The following CLEC1A variants were observed in gnomAD, a reference collection of about 807,000 sequenced individuals.
The protein encoded by CLEC1A is C-type lectin-like receptor-1.
CLEC1A carries 34 observed loss-of-function variants against 28.7 expected under a neutral mutation model. That is an observed-to-expected ratio of 1.18 (90% CI 0.90 to 1.57). The LOEUF (loss-of-function observed/expected upper bound fraction) is 1.57. Among genes scored for constraint, CLEC1A ranks in the 40% most tolerant of loss-of-function variants. The probability of loss-of-function intolerance (pLI) is 0.00; values close to 1 mark genes in which losing one functional copy is unlikely to be tolerated. For missense variants in CLEC1A, 385 were observed against 339.5 expected, an observed-to-expected ratio of 1.13 and a Z score of -1.05; for synonymous variants, 116 against 121.0, an observed-to-expected ratio of 0.96 and a Z score of 0.27.
At chr12:10,082,139 A>T (rs1866385869) in intron 2 of CLEC1A, among the ~76,000 whole-genome samples, 1 of 152,182 alleles carries the variant, frequency 6.6e-6, no homozygotes, top group Non-Finnish European at 1.5e-5. Flanking sequence ...TTTCAACTGG[A>T]TATGAATTTT....
At chr12:10,086,966 A>G (rs1165447013) in intron 2 of CLEC1A, among the ~76,000 whole-genome samples, 1 of 151,968 alleles carries the variant, frequency 6.6e-6, no homozygotes, top group Non-Finnish European at 1.5e-5. Context: ...AGGACTTTGG[A>G]AGACCGAGGC....
intron 2 of CLEC1A, among the ~76,000 whole-genome samples, chr12:10,082,170 C>CAA (rs1425667969): frequency 6.6e-6 from 1 of 152,034 alleles, no homozygotes; most frequent in Non-Finnish European, 1.5e-5. Flanking sequence ...ATCCAGGGGG[C>CAA]AAAGAGGAAC....
rs564427731 is a variant in CLEC1A at position 10,072,770 on chromosome 12, C to T, written c.662+523G>A. ...GCTATGTATCTGTCTCCCTCACTGGCTTATAAGCAGTTCAAAAGCAGGCAC... is the reference window on the plus strand; with the variant it reads ...GCTATGTATCTGTCTCCCTCACTGGTTTATAAGCAGTTCAAAAGCAGGCAC... On this transcript the variant is annotated intron_variant, in intron 5 of 5. Coordinates refer to ENST00000315330, the MANE Select transcript of CLEC1A (RefSeq NM_016511.4). 5.9e-5 allele frequency among the ~76,000 whole-genome samples: 9 copies of T among 152,240 alleles called. No homozygotes were observed. The East Asian group carries it at 1.4e-3, about 23-fold the overall frequency.
chr12:10,077,184 T>G (rs1866268656), intron 3 of CLEC1A, among the ~76,000 whole-genome samples: 1 of 152,154 alleles, frequency 6.6e-6, no homozygotes, highest in African/African-American at 2.4e-5. Flanking sequence ...ACTATGTAAC[T>G]AAAGAGACAG....
intron 1 of CLEC1A, among the ~76,000 whole-genome samples, chr12:10,097,795 T>C (rs1042562031): frequency 3.3e-5 from 5 of 151,738 alleles, no homozygotes; most frequent in African/African-American, 9.7e-5. Context: ...AAACGCTTTG[T>C]ATCCTATTAC....
intron 4 of CLEC1A, among the ~76,000 whole-genome samples, chr12:10,074,185 T>A (rs2137329862): frequency 6.6e-6 from 1 of 152,226 alleles, no homozygotes; most frequent in Admixed American, 6.5e-5. Flanking sequence ...ACATAGAAAT[T>A]ATCTAAATAT....
intron 3 of CLEC1A, among the ~76,000 whole-genome samples, chr12:10,080,083 G>A (rs1866335483): frequency 6.6e-6 from 1 of 152,088 alleles, no homozygotes; most frequent in Non-Finnish European, 1.5e-5. Context: ...CTGGGGCAGG[G>A]GGAACACCTG....
intron 3 of CLEC1A, 52 bp from the exon 4 acceptor site, chr12:10,075,707 C>T (rs915532261): frequency 1.3e-6 from 2 of 1,528,936 alleles, no homozygotes; most frequent in South Asian, 2.3e-5. Flanking sequence ...CTGTCTTGCT[C>T]CTCTCTTGAA....
At chr12:10,098,165 A>C (rs932256959) in intron 1 of CLEC1A, among the ~76,000 whole-genome samples, 1 of 152,142 alleles carries the variant, frequency 6.6e-6, no homozygotes, top group Non-Finnish European at 1.5e-5. Context: ...GAATGTTAAA[A>C]TGTGGGATTC....
intron 2 of CLEC1A, among the ~76,000 whole-genome samples, chr12:10,083,617 T>A (rs1379580416): frequency 6.6e-6 from 1 of 152,066 alleles, no homozygotes; most frequent in Admixed American, 6.5e-5. Flanking sequence ...GGATTACAGG[T>A]GCCCACCACC....
intron 2 of CLEC1A, among the ~76,000 whole-genome samples, chr12:10,086,924 G>A (rs1232129944): frequency 2.0e-5 from 3 of 151,962 alleles, no homozygotes; most frequent in Non-Finnish European, 4.4e-5. Flanking sequence ...AGCTAACTGA[G>A]GCCTGGCACG....
intron 3 of CLEC1A, among the ~76,000 whole-genome samples, chr12:10,077,135 A>G (rs116958118): frequency 1.8e-4 from 28 of 152,308 alleles, no homozygotes; most frequent in Non-Finnish European, 8.8e-5. Flanking sequence ...AAGGTGAGAG[A>G]CTAAAGGACT....
chr12:10,075,802 TTACTGGATACC>T, intron 3 of CLEC1A, 147 bp from the exon 4 acceptor site: 1 of 667,210 alleles, frequency 1.5e-6, no homozygotes, highest in Non-Finnish European at 2.5e-6. Context: ...ACTACAATGT[TTACTGGATACC>T]TACTAACTGC....
intron 3 of CLEC1A, among the ~76,000 whole-genome samples, chr12:10,080,036 C>T (rs1172010102): frequency 1.3e-5 from 2 of 151,984 alleles, no homozygotes; most frequent in Non-Finnish European, 2.9e-5. Flanking sequence ...ATGCTGGGCA[C>T]GGTAGTTTAC....
rs2137321384 is a variant in CLEC1A at position 10,070,074 on chromosome 12, A to G, written c.*1259T>C. The G allele has an allele frequency of 6.6e-6, 1 of 152,362 alleles. No individual in the cohort carries two copies. The highest frequency in any genetic ancestry group is 2.1e-4 in the South Asian group (1 of 4,832). The allele number at this position is 152,362 out of a possible 1,614,324, so 9.4% of individuals were successfully genotyped here. The stretch of plus-strand genomic sequence containing the variant: ...TAAACTTGGTGGCTGTGATGGTGTC[A>G]TTCCCAATGATCCCTGTTATATTTG... On this transcript the variant is annotated 3_prime_UTR_variant, in exon 6 of 6. Transcript: ENST00000315330.
chr12:10,082,011 C>T (rs1866383048), intron 2 of CLEC1A, among the ~76,000 whole-genome samples: 1 of 152,164 alleles, frequency 6.6e-6, no homozygotes, highest in African/African-American at 2.4e-5. Flanking sequence ...CATTCTCCAG[C>T]TCAAGCCCAG....
chr12:10,073,235 C>A, intron 5 of CLEC1A, 58 bp downstream of exon 5: 1 of 1,298,848 alleles, frequency 7.7e-7, no homozygotes, highest in Non-Finnish European at 1.1e-6. Flanking sequence ...TGAGCTCTAT[C>A]ACTCAAGCAA....
chr12:10,098,689 G>A lies in CLEC1A; in HGVS notation c.115+119C>T, dbSNP rs143416452. ...AAAAATCACTACTATGTCACAGGGC[G>A]AGTAATTGGAAATAAAATTATAAGA... is the stretch of plus-strand genomic sequence containing the variant. On this transcript the variant is annotated intron_variant, in intron 1 of 5. Transcript: ENST00000315330. The A allele has an allele frequency of 1.1e-4, 66 of 626,180 alleles. 1 individual carries two copies. The highest frequency in any genetic ancestry group is 5.4e-4 in the Middle Eastern group (2 of 3,680). The allele number at this position is 626,180 out of a possible 1,614,324, so 38.8% of individuals were successfully genotyped here. A position where few individuals can be genotyped will look rare whatever the true frequency, so the allele number is the denominator to read the frequency against.
Position 10,079,112 on chromosome 12 carries a change from T to C in CLEC1A, c.391+2125A>G, listed in dbSNP as rs148836701. 2.8e-4 allele frequency among the ~76,000 whole-genome samples: 43 copies of C among 152,338 alleles called. No homozygotes were observed. In the East Asian group the frequency reaches 7.9e-3, roughly 28 times the overall value. Reference sequence around the variant, plus strand: ...ACAGACAAAGACATTAGTCATCTTATGTTTTTCAATATACTTACTTCTACT... The same window carrying C: ...ACAGACAAAGACATTAGTCATCTTACGTTTTTCAATATACTTACTTCTACT... On this transcript the variant is annotated intron_variant, in intron 3 of 5. Transcript: ENST00000315330.
Sources: gnomAD v4.1 joint callset for allele counts (sites outside exome capture counted in the v4.1 genomes callset) on GRCh38, gnomAD v4.1.1 for gene constraint, MANE v1.5 for transcripts, NCBI Gene and HGNC (gene_info 2026-07-23, HGNC 2026-07-21) for gene names.